The following LAMTOR4 variants were observed in gnomAD, a reference collection of about 807,000 sequenced individuals.
The protein encoded by LAMTOR4 is ragulator complex protein LAMTOR4.
In LAMTOR4, 11 loss-of-function variants were observed where a neutral mutation model predicts 13.5. That is an observed-to-expected ratio of 0.82 (90% CI 0.51 to 1.35). LAMTOR4 has a LOEUF of 1.35. LAMTOR4 is among the 40% of genes most tolerant of loss of function. The pLI is 0.00. For synonymous variants in LAMTOR4, 69 were observed against 52.3 expected (o/e 1.32, Z -1.38); for missense variants, 128 against 126.2 (o/e 1.01, Z -0.07).
chr7:100,153,825 C>T, intron 3 of LAMTOR4, 42 bp from the exon 4 acceptor site: 1 of 1,417,680 alleles, frequency 7.1e-7, no homozygotes, highest in Non-Finnish European at 9.8e-7. Flanking sequence ...TCTGTGCTCC[C>T]TTCCCTCTCC....
chr7:100,149,173 G>A, intron 1 of LAMTOR4, 198 bp downstream of exon 1: 1 of 697,976 alleles, frequency 1.4e-6, no homozygotes, highest in Non-Finnish European at 2.4e-6. Context: ...TGGGGCTGCG[G>A]GTAGTCTGCA....
intron 2 of LAMTOR4, among the ~76,000 whole-genome samples, chr7:100,150,573 C>T (rs1798667953): frequency 6.6e-6 from 1 of 152,152 alleles, no homozygotes; most frequent in South Asian, 2.1e-4. Context: ...CACACTTGAA[C>T]TTATTCTTGA....
At chr7:100,149,048 C>T in intron 1 of LAMTOR4, 73 bp downstream of exon 1, 2 of 1,559,444 alleles carry the variant, frequency 1.3e-6, no homozygotes, top group Middle Eastern at 3.4e-4. Flanking sequence ...GTGTGGTTTC[C>T]CCCTGGTGGG....
rs1418332675 is a variant in LAMTOR4 at position 100,153,423 on chromosome 7, T to C, written c.108T>C (p.Asp36=). 4 of 1,611,216 alleles carry C rather than the reference T, an allele frequency of 2.5e-6. No homozygotes were observed. The highest frequency in any genetic ancestry group is 1.3e-5 in the African/African-American group (1 of 74,926). The change falls in exon 3 of 4, where the codon GAT becomes GAC. Residue 36 remains aspartate (D), a synonymous_variant. Transcript: ENST00000341942. ...AGTCATCTGGGGACCTGGAGAATGATGAGCAGGCAGCCAGTGCCATCTCTG... is the reference window on the plus strand; with the variant it reads ...AGTCATCTGGGGACCTGGAGAATGACGAGCAGGCAGCCAGTGCCATCTCTG... ...VLASSGDLEN[D]EQAASAISEL...
At position 100,148,926 on chromosome 7, in the gene LAMTOR4, G is replaced by A. The variant is rs764656687; in HGVS notation, c.-47G>A. On this transcript the variant is annotated 5_prime_UTR_variant, in exon 1 of 4. Coordinates refer to ENST00000341942, the MANE Select transcript of LAMTOR4 (RefSeq NM_001008395.4). Reference sequence around the variant, plus strand: ...AAGCACGTGACCGGGGCCTGAAGCCGGAAGCTACCTATCTGGTAGGGAGCT... The same window carrying A: ...AAGCACGTGACCGGGGCCTGAAGCCAGAAGCTACCTATCTGGTAGGGAGCT... 6.2e-7 allele frequency: 1 copy of A among 1,611,516 alleles called. No homozygotes were observed. The highest frequency in any genetic ancestry group is 1.1e-5 in the South Asian group (1 of 91,080).
Position 100,148,970 on chromosome 7 carries a change from G to C in LAMTOR4, c.-3G>C. The C allele has an allele frequency of 1.2e-6, 2 of 1,611,982 alleles. No homozygotes were observed. Among genetic ancestry groups the C allele is most frequent in the Non-Finnish European group, 8.5e-7 (1 of 1,179,846 alleles). ...GGGAGCTCCCCCAGCACCGAAGACT[G>C]CGATGGTGAGTGAGGACGCATGCGC... On this transcript the variant is annotated 5_prime_UTR_variant, in exon 1 of 4. Transcript: ENST00000341942.
chr7:100,152,618 G>C (rs1198662749), intron 2 of LAMTOR4: 1 of 152,212 alleles, frequency 6.6e-6, no homozygotes, highest in Non-Finnish European at 1.5e-5. Context: ...CCAGAAAAGA[G>C]GAAGCCCAAG....
chr7:100,149,356 G>C, intron 1 of LAMTOR4, 143 bp from the exon 2 acceptor site: 2 of 700,680 alleles, frequency 2.9e-6, no homozygotes, highest in South Asian at 3.2e-5. Context: ...CATGTAGGGG[G>C]GAGGGGGCCG....
chr7:100,150,737 G>C (rs537083034), intron 2 of LAMTOR4, among the ~76,000 whole-genome samples: 2 of 152,104 alleles, frequency 1.3e-5, no homozygotes, highest in African/African-American at 4.8e-5. Flanking sequence ...TGTAATTCTA[G>C]CACTTTGGGA....
chr7:100,149,626 T>A (rs1394993630), intron 2 of LAMTOR4, 47 bp downstream of exon 2: 1 of 1,388,274 alleles, frequency 7.2e-7, no homozygotes, highest in African/African-American at 1.4e-5. Flanking sequence ...CACAGCCCGG[T>A]AACCCCTTCT....
At position 100,149,087 on chromosome 7, in the gene LAMTOR4, C is replaced by T. The variant is rs908910155; in HGVS notation, c.3+112C>T. 7 of 1,351,790 alleles carry T rather than the reference C, an allele frequency of 5.2e-6. No homozygotes were observed. The African/African-American group carries it at 1.0e-4, about 20-fold the overall frequency. The allele number at this position is 1,351,790 out of a possible 1,614,324, so 83.7% of individuals were successfully genotyped here. A position where few individuals can be genotyped will look rare whatever the true frequency, so the allele number is the denominator to read the frequency against. On this transcript the variant is annotated intron_variant, in intron 1 of 3. Coordinates refer to ENST00000341942, the MANE Select transcript of LAMTOR4 (RefSeq NM_001008395.4). The stretch of plus-strand genomic sequence containing the variant: ...GCGCTCCACCCTCACCTCCTATCCG[C>T]TCGGGGAGGAAGAGGGGATGGAAAT...
At chr7:100,149,683 C>T (rs1798641254) in intron 2 of LAMTOR4, 104 bp downstream of exon 2, 1 of 857,996 alleles carries the variant, frequency 1.2e-6, no homozygotes, top group African/African-American at 1.7e-5. Context: ...TCCTGCCTGG[C>T]ATCTATTAGG....
chr7:100,153,563 G>A (rs760110999), intron 3 of LAMTOR4, 46 bp downstream of exon 3: 4 of 1,506,502 alleles, frequency 2.7e-6, no homozygotes, highest in East Asian at 4.5e-5. Context: ...GGAGCGGGGG[G>A]CTACTTCCAG....
intron 2 of LAMTOR4, among the ~76,000 whole-genome samples, chr7:100,151,864 TAA>T (rs59063201): frequency 0.06 from 8,516 of 141,558 alleles, 252 homozygotes; most frequent in South Asian, 0.12. Flanking sequence ...GCCCAGCCAT[TAA>T]AAAAAAAAAA....
chr7:100,152,327 A>T (rs1396546141), intron 2 of LAMTOR4, among the ~76,000 whole-genome samples: 1 of 152,132 alleles, frequency 6.6e-6, no homozygotes, highest in Non-Finnish European at 1.5e-5. Flanking sequence ...GCTTGAACCC[A>T]GGAGGCAGAG....
In LAMTOR4 at chr7:100,153,328, G is replaced by A. The variant is rs933140888; in HGVS notation, c.85-72G>A. The A allele has an allele frequency of 4.7e-6, 5 of 1,066,610 alleles. No individual in the cohort carries two copies. In the South Asian group the frequency reaches 5.4e-5, roughly 12 times the overall value. 66.1% of individuals were successfully genotyped at this position (1,066,610 alleles called of 1,614,324 possible). ...AGGGTCTAAGTGTGAGAACCAAGGG[G>A]ACTGTGCCTGGAATTCCTTCCTGAG... On this transcript the variant is annotated intron_variant, in intron 2 of 3. Transcript: ENST00000341942.
chr7:100,153,943 T>G lies in LAMTOR4; in HGVS notation c.279T>G (p.Gly93=). The G allele has an allele frequency of 6.3e-7, 1 of 1,590,392 alleles. No individual in the cohort carries two copies. Among genetic ancestry groups the G allele is most frequent in the Non-Finnish European group, 8.6e-7 (1 of 1,168,928 alleles). ...RVFVVKRQNR[G]REPIDV ...TTGTGGTGAAGAGGCAGAACCGAGGTCGGGAGCCCATTGATGTCTGAGCCT... is the reference window on the plus strand; with the variant it reads ...TTGTGGTGAAGAGGCAGAACCGAGGGCGGGAGCCCATTGATGTCTGAGCCT... The change falls in exon 4 of 4, where the codon GGT becomes GGG. Residue 93 remains glycine, a synonymous_variant. Coordinates refer to ENST00000341942, the MANE Select transcript of LAMTOR4 (RefSeq NM_001008395.4).
At chr7:100,149,655 C>G in intron 2 of LAMTOR4, 76 bp downstream of exon 2, 1 of 1,138,408 alleles carries the variant, frequency 8.8e-7, no homozygotes, top group Non-Finnish European at 1.3e-6. Context: ...CCCTTCTTTT[C>G]TCGGCTTTTA....
At chr7:100,150,324 C>T (rs1798662302) in intron 2 of LAMTOR4, among the ~76,000 whole-genome samples, 1 of 152,088 alleles carries the variant, frequency 6.6e-6, no homozygotes, top group African/African-American at 2.4e-5. Context: ...TGAGGGAATC[C>T]AGGATATTAA....
Sources: allele counts gnomAD v4.1 joint callset (sites outside exome capture counted in the v4.1 genomes callset), GRCh38; gene constraint gnomAD v4.1.1; transcripts MANE v1.5; gene names NCBI Gene and HGNC (gene_info 2026-07-23, HGNC 2026-07-21).